Variants in PPP1R2 observed in about 807,000 individuals in gnomAD.
PPP1R2 encodes the protein protein phosphatase inhibitor 2.
Under a neutral mutation model 29.9 loss-of-function variants are expected in PPP1R2, and 16 were observed. The ratio of observed to expected loss-of-function variants is 0.53; its 90% CI spans 0.36 to 0.81. The LOEUF (loss-of-function observed/expected upper bound fraction) is 0.81, where lower values mean the gene tolerates loss of function less well. Among genes scored for constraint, PPP1R2 ranks in the 30% least tolerant of loss-of-function variants. PPP1R2 has a pLI of 0.00. For synonymous variants in PPP1R2, 76 were observed against 91.5 expected (o/e 0.83, Z 0.96); for missense variants, 197 against 252.7 (o/e 0.78, Z 1.49).
At chr3:195,533,608 G>C (rs1171658324) in intron 1 of PPP1R2, among the ~76,000 whole-genome samples, 1 of 152,180 alleles carries the variant, frequency 6.6e-6, no homozygotes, top group Non-Finnish European at 1.5e-5. Context: ...CTTAGATGGA[G>C]CTCTGCAACT....
chr3:195,534,290 T>C (rs1483688728), intron 1 of PPP1R2, among the ~76,000 whole-genome samples: 1 of 152,166 alleles, frequency 6.6e-6, no homozygotes, highest in African/African-American at 2.4e-5. Context: ...ATCGAGCCAC[T>C]GTAATCCAGC....
At chr3:195,538,816 G>C (rs969353466) in intron 1 of PPP1R2, among the ~76,000 whole-genome samples, 7 of 152,100 alleles carry the variant, frequency 4.6e-5, no homozygotes, top group African/African-American at 1.7e-4. Context: ...AAGGCACTGG[G>C]TTAAGCACTT....
At chr3:195,524,235 G>A (rs1004606117) in intron 3 of PPP1R2, among the ~76,000 whole-genome samples, 2 of 152,170 alleles carry the variant, frequency 1.3e-5, no homozygotes, top group Non-Finnish European at 2.9e-5. Context: ...AAAACAGGAA[G>A]CAGGGGCCAG....
rs1240145980 is a variant in PPP1R2, at chr3:195,519,103, T to C, written c.486A>G (p.Ser162=). 1.2e-5 allele frequency: 20 copies of C among 1,612,644 alleles called. No individual in the cohort carries two copies. The highest frequency in any genetic ancestry group is 1.6e-5 in the Non-Finnish European group (19 of 1,178,952). ...LNIKLARQLI[S]KDLHDDDEDE... is the part of the protein sequence containing the mutation. ...CTTCATCATCATCATGTAGGTCTTTTGAAATTAATTGTCTGGCTAGTTTGA... is the reference window on the plus strand; with the variant it reads ...CTTCATCATCATCATGTAGGTCTTTCGAAATTAATTGTCTGGCTAGTTTGA... Residue 162 remains serine, a synonymous_variant, in exon 5 of 6, where the codon TCA becomes TCG. Coordinates refer to ENST00000618156, the MANE Select transcript of PPP1R2 (RefSeq NM_006241.8).
At position 195,523,897 on chromosome 3, in the gene PPP1R2, G is replaced by A. The variant is rs1393401204; in HGVS notation, c.309-111C>T. ...ACATCTGAAGATCATTAATGTGCTA[G>A]CTATAACCTGATGAGGAAAATAAAA... On this transcript the variant is annotated intron_variant, in intron 3 of 5. Coordinates refer to ENST00000618156, the MANE Select transcript of PPP1R2 (RefSeq NM_006241.8). 7.8e-6 allele frequency: 7 copies of A among 892,522 alleles called. No individual in the cohort carries two copies. In the Admixed American group the frequency reaches 1.3e-4, roughly 16 times the overall value. 55.3% of individuals were successfully genotyped at this position (892,522 alleles called of 1,614,324 possible).
At chr3:195,531,867 C>T (rs944032304) in intron 1 of PPP1R2, among the ~76,000 whole-genome samples, 6 of 152,206 alleles carry the variant, frequency 3.9e-5, no homozygotes, top group African/African-American at 1.4e-4. Flanking sequence ...CCCCACTCTC[C>T]CCAGCCCCTA....
intron 1 of PPP1R2, among the ~76,000 whole-genome samples, chr3:195,533,084 C>T (rs1210732881): frequency 2.6e-5 from 4 of 152,224 alleles, no homozygotes; most frequent in East Asian, 1.9e-4. Flanking sequence ...CGGCCAGGCA[C>T]GTCTGTAATC....
In PPP1R2 at chr3:195,543,091, G is replaced by C. The variant is rs948567515; in HGVS notation, c.-66C>G. 1.4e-5 allele frequency: 21 copies of C among 1,525,984 alleles called. No individual in the cohort carries two copies. In the Admixed American group the frequency reaches 1.9e-4, roughly 14 times the overall value. 94.5% of individuals were successfully genotyped at this position (1,525,984 alleles called of 1,614,324 possible). ...CGTGGGGTCCGCGAAGAGAAGGGTC[G>C]GCACAGCAGAGACTCGCAGGCAGCC... On this transcript the variant is annotated 5_prime_UTR_variant, in exon 1 of 6. Transcript: ENST00000618156.
chr3:195,527,444 TGTCTCAAAA>T (rs1719014839), intron 2 of PPP1R2, among the ~76,000 whole-genome samples: 2 of 151,910 alleles, frequency 1.3e-5, no homozygotes, highest in Non-Finnish European at 2.9e-5. Flanking sequence ...AGTGAGACTC[TGTCTCAAAA>T]AAATAAAAAA....
chr3:195,538,446 T>C (rs1560445371), intron 1 of PPP1R2, among the ~76,000 whole-genome samples: 1 of 152,244 alleles, frequency 6.6e-6, no homozygotes, highest in Non-Finnish European at 1.5e-5. Context: ...CGAAGCCTGA[T>C]ATCGTTACTG....
Position 195,543,195 on chromosome 3 carries a change from A to C in PPP1R2, c.-170T>G. ...CCGCAGCGGTTGTCACGACACAACG[A>C]CCCCGACGCCAGAGCCAACGCCGAA... On this transcript the variant is annotated 5_prime_UTR_variant, in exon 1 of 6. Transcript: ENST00000618156. 11 of 875,828 alleles carry C rather than the reference A, an allele frequency of 1.3e-5. No individual in the cohort carries two copies. Among genetic ancestry groups the C allele is most frequent in the South Asian group, 6.3e-5 (3 of 47,828 alleles). The allele number at this position is 875,828 out of a possible 1,614,324, so 54.3% of individuals were successfully genotyped here. A position where few individuals can be genotyped will look rare whatever the true frequency, so the allele number is the denominator to read the frequency against.
chr3:195,531,572 AC>A (rs1719179855), intron 1 of PPP1R2, among the ~76,000 whole-genome samples: 1 of 152,076 alleles, frequency 6.6e-6, no homozygotes. Context: ...ACCCTAATAT[AC>A]CCACAGTGTC....
At position 195,543,008 on chromosome 3, in the gene PPP1R2, G is replaced by T; in HGVS notation, c.18C>A (p.Ala6=). ...AGATCCCCTTGATGGGCCGGTGCGA[G>T]GCCGTCGAGGCCGCCATTGCCGGGC... MAAST[A]SHRPIKGILK... Residue 6 remains alanine (A), a synonymous_variant, in exon 1 of 6, where the codon GCC becomes GCA. Coordinates refer to ENST00000618156, the MANE Select transcript of PPP1R2 (RefSeq NM_006241.8). The T allele has an allele frequency of 6.3e-7, 1 of 1,599,826 alleles. No individual in the cohort carries two copies.
chr3:195,518,118 T>C (rs545817559), intron 5 of PPP1R2, among the ~76,000 whole-genome samples: 7 of 152,290 alleles, frequency 4.6e-5, no homozygotes, highest in African/African-American at 9.6e-5. Context: ...CCATTAGTGA[T>C]GCAGAAGATT....
At position 195,543,158 on chromosome 3, in the gene PPP1R2, C is replaced by G; in HGVS notation, c.-133G>C. On this transcript the variant is annotated 5_prime_UTR_variant, in exon 1 of 6. Coordinates refer to ENST00000618156, the MANE Select transcript of PPP1R2 (RefSeq NM_006241.8). ...GCTAAAGCGGCCGCAACTGCTGCCT[C>G]GGAAACGGCTACCGCAGCGGTTGTC... The G allele has an allele frequency of 8.2e-7, 1 of 1,215,522 alleles. No homozygotes were observed. The highest frequency in any genetic ancestry group is 1.1e-6 in the Non-Finnish European group (1 of 905,994). The allele number at this position is 1,215,522 out of a possible 1,614,324, so 75.3% of individuals were successfully genotyped here. A position where few individuals can be genotyped will look rare whatever the true frequency, so the allele number is the denominator to read the frequency against.
At chr3:195,538,351 A>C (rs1719469368) in intron 1 of PPP1R2, among the ~76,000 whole-genome samples, 1 of 152,238 alleles carries the variant, frequency 6.6e-6, no homozygotes, top group South Asian at 2.1e-4. Flanking sequence ...CTTCAAGGTG[A>C]TTTAACTTTA....
rs904179519 is a variant in PPP1R2 at position 195,532,897 on chromosome 3, C to T, written c.123-2996G>A. 2.6e-5 allele frequency among the ~76,000 whole-genome samples: 4 copies of T among 152,146 alleles called. 1 individual carries two copies. Among genetic ancestry groups the T allele is most frequent in the Non-Finnish European group, 4.4e-5 (3 of 68,018 alleles). ...ATTCACAAGCCTAGTTAAAATGTAA[C>T]GTTAAAATTTATCAAAACATGCACA... On this transcript the variant is annotated intron_variant, in intron 1 of 5. Coordinates refer to ENST00000618156, the MANE Select transcript of PPP1R2 (RefSeq NM_006241.8).
At chr3:195,536,045 T>C (rs955106965) in intron 1 of PPP1R2, among the ~76,000 whole-genome samples, 1 of 152,158 alleles carries the variant, frequency 6.6e-6, no homozygotes, top group African/African-American at 2.4e-5. Flanking sequence ...TTTTCTTTTC[T>C]CTAGCTTACT....
chr3:195,525,687 C>T (rs1293119489), intron 2 of PPP1R2, among the ~76,000 whole-genome samples: 2 of 152,158 alleles, frequency 1.3e-5, no homozygotes, highest in Non-Finnish European at 2.9e-5. Flanking sequence ...AGCTTTCTCA[C>T]TCTACCCTCT....
Sources: gnomAD v4.1 joint callset for allele counts (sites outside exome capture counted in the v4.1 genomes callset) on GRCh38, gnomAD v4.1.1 for gene constraint, MANE v1.5 for transcripts, NCBI Gene and HGNC (gene_info 2026-07-23, HGNC 2026-07-21) for gene names.